The following TMEM131L variants were observed in gnomAD, a reference collection of about 807,000 sequenced individuals.
TMEM131L encodes transmembrane protein 131-like.
A neutral mutation model predicts 192.2 loss-of-function variants in TMEM131L; 54 were observed. That is an observed-to-expected ratio of 0.28 (90% CI 0.23 to 0.35). The LOEUF (loss-of-function observed/expected upper bound fraction) is 0.35, where lower values mean the gene tolerates loss of function less well. Among genes scored for constraint, TMEM131L ranks in the 10% least tolerant of loss-of-function variants. The pLI is 1.00. For missense variants in TMEM131L, 1,888 were observed against 1,972.9 expected (o/e 0.96, Z 0.82); for synonymous variants, 701 against 704.9 (o/e 0.99, Z 0.09).
chr4:153,568,596 T>C (rs1729378248), intron 7 of TMEM131L, among the ~76,000 whole-genome samples: 2 of 152,210 alleles, frequency 1.3e-5, no homozygotes, highest in Non-Finnish European at 2.9e-5. Flanking sequence ...TTTGTTTTCC[T>C]ATTACCTGGC....
chr4:153,591,321 T>C, intron 17 of TMEM131L, 127 bp downstream of exon 17: 1 of 797,104 alleles, frequency 1.3e-6, no homozygotes, highest in Non-Finnish European at 1.9e-6. Flanking sequence ...TCAAAAGAAC[T>C]AGATGAGCAG....
At chr4:153,600,554 A>C (rs1255876260) in intron 21 of TMEM131L, among the ~76,000 whole-genome samples, 2 of 152,192 alleles carry the variant, frequency 1.3e-5, no homozygotes, top group East Asian at 3.8e-4. Context: ...AAATGCCTTT[A>C]AACTACTTAT....
chr4:153,592,771 G>C (rs557919552), intron 18 of TMEM131L, among the ~76,000 whole-genome samples, 187 bp downstream of exon 18: 1 of 152,214 alleles, frequency 6.6e-6, no homozygotes, highest in Non-Finnish European at 1.5e-5. Context: ...ACCTGGCTCT[G>C]TGTGTTATGT....
intron 7 of TMEM131L, among the ~76,000 whole-genome samples, chr4:153,559,922 A>G (rs576449683): frequency 1.4e-3 from 217 of 152,132 alleles, no homozygotes; most frequent in African/African-American, 4.9e-3. Flanking sequence ...TCTCTAGTTC[A>G]TGGCCACAAG....
intron 3 of TMEM131L, among the ~76,000 whole-genome samples, chr4:153,536,297 T>G (rs1028265316): frequency 2.0e-5 from 3 of 152,200 alleles, no homozygotes; most frequent in Non-Finnish European, 2.9e-5. Flanking sequence ...TGCAGACATC[T>G]TCAGCAATAA....
intron 26 of TMEM131L, among the ~76,000 whole-genome samples, chr4:153,615,793 C>G (rs1273333751): frequency 6.6e-6 from 1 of 152,150 alleles, no homozygotes; most frequent in Non-Finnish European, 1.5e-5. Flanking sequence ...TCCCTTCAAC[C>G]TAAGATGGCC....
At chr4:153,480,909 T>G (rs775115787) in intron 3 of TMEM131L, among the ~76,000 whole-genome samples, 1 of 152,122 alleles carries the variant, frequency 6.6e-6, no homozygotes, top group Non-Finnish European at 1.5e-5. Flanking sequence ...TGTGGTTGAG[T>G]CTTCATGTGG....
chr4:153,612,576 A>G (rs1561243593), intron 26 of TMEM131L, among the ~76,000 whole-genome samples, 176 bp downstream of exon 26: 1 of 152,194 alleles, frequency 6.6e-6, no homozygotes. Flanking sequence ...AGACGTTACT[A>G]CAGTAATTTT....
At chr4:153,486,651 T>A (rs1732353765) in intron 3 of TMEM131L, among the ~76,000 whole-genome samples, 2 of 152,160 alleles carry the variant, frequency 1.3e-5, no homozygotes, top group African/African-American at 4.8e-5. Flanking sequence ...CCTCCCAGCC[T>A]CCCACCTGAA....
At chr4:153,546,514 G>A (rs754329622) in intron 3 of TMEM131L, among the ~76,000 whole-genome samples, 1 of 152,174 alleles carries the variant, frequency 6.6e-6, no homozygotes, top group African/African-American at 2.4e-5. Context: ...TCTTTGAAGC[G>A]AACTTTGGCA....
At chr4:153,466,665 C>G (rs764638922) in intron 1 of TMEM131L, 144 bp downstream of exon 1, 4 of 819,110 alleles carry the variant, frequency 4.9e-6, no homozygotes, top group Non-Finnish European at 6.5e-6. Flanking sequence ...CGATTCTCCG[C>G]TGATAACATT....
chr4:153,515,131 A>G (rs540830601), intron 3 of TMEM131L, among the ~76,000 whole-genome samples: 84 of 152,322 alleles, frequency 5.5e-4, no homozygotes, highest in African/African-American at 1.9e-3. Context: ...CTTTTAAAGC[A>G]TACAATTCAG....
chr4:153,619,512 A>G (rs1218891024), intron 26 of TMEM131L, among the ~76,000 whole-genome samples: 1 of 152,222 alleles, frequency 6.6e-6, no homozygotes, highest in Middle Eastern at 3.2e-3. Context: ...ATACATACTT[A>G]TTGGGGGAAA....
At chr4:153,557,825 G>C (rs966193887) in intron 6 of TMEM131L, among the ~76,000 whole-genome samples, 1 of 152,192 alleles carries the variant, frequency 6.6e-6, no homozygotes, top group Admixed American at 6.5e-5. Flanking sequence ...TTTTGAGGCA[G>C]GGTCTCACTT....
At chr4:153,500,173 T>C (rs1309202852) in intron 3 of TMEM131L, among the ~76,000 whole-genome samples, 1 of 151,960 alleles carries the variant, frequency 6.6e-6, no homozygotes, top group East Asian at 1.9e-4. Flanking sequence ...CAATCATGGC[T>C]CACTGCAGCC....
intron 26 of TMEM131L, among the ~76,000 whole-genome samples, chr4:153,617,001 A>G (rs1369567781): frequency 6.6e-6 from 1 of 152,200 alleles, no homozygotes; most frequent in Non-Finnish European, 1.5e-5. Flanking sequence ...AAATAGAATG[A>G]AAGGGTATTG....
At chr4:153,507,738 A>T (rs893989347) in intron 3 of TMEM131L, among the ~76,000 whole-genome samples, 1 of 152,004 alleles carries the variant, frequency 6.6e-6, no homozygotes, top group African/African-American at 2.4e-5. Flanking sequence ...CAAACAAAAA[A>T]CCAGGGAACG....
intron 3 of TMEM131L, among the ~76,000 whole-genome samples, chr4:153,548,563 A>G (rs779927311): frequency 1.6e-4 from 25 of 152,324 alleles, no homozygotes; most frequent in Middle Eastern, 3.4e-3. Flanking sequence ...TCAGCCTCCC[A>G]AAGTGCTGGG....
intron 31 of TMEM131L, 25 bp from the exon 32 acceptor site, chr4:153,632,693 A>T (rs1245868259): frequency 1.9e-6 from 3 of 1,613,710 alleles, no homozygotes; most frequent in Non-Finnish European, 1.7e-6. Context: ...GATAGGGTGG[A>T]CTCAGGCCTT....
Sources: gnomAD v4.1 joint callset for allele counts (sites outside exome capture counted in the v4.1 genomes callset) on GRCh38, gnomAD v4.1.1 for gene constraint, MANE v1.5 for transcripts, NCBI Gene and HGNC (gene_info 2026-07-23, HGNC 2026-07-21) for gene names.